Variants in KANSL1 observed in about 807,000 individuals in gnomAD.
The protein encoded by KANSL1 is KAT8 regulatory NSL complex subunit 1.
In KANSL1, 22 loss-of-function variants were observed where a neutral mutation model predicts 103.6. The observed-to-expected ratio is 0.21, with a 90% CI of 0.15 to 0.30. KANSL1 has a LOEUF of 0.30. Among genes scored for constraint, KANSL1 ranks in the 10% least tolerant of loss-of-function variants. The probability of loss-of-function intolerance (pLI) is 1.00; values close to 1 mark genes in which losing one functional copy is unlikely to be tolerated. For missense variants in KANSL1, 1,337 were observed against 1,399.8 expected (o/e 0.96, Z 0.72); for synonymous variants, 600 against 527.6 (o/e 1.14, Z -1.88).
intron 2 of KANSL1, among the ~76,000 whole-genome samples, chr17:46,112,881 C>T (rs761381108): frequency 7.2e-5 from 11 of 152,132 alleles, no homozygotes; most frequent in Admixed American, 2.0e-4. Flanking sequence ...GCCATCACGC[C>T]GGGCTAATTT....
At chr17:46,033,309 CCA>C in intron 12 of KANSL1, 92 bp downstream of exon 12, 2 of 1,462,712 alleles carry the variant, frequency 1.4e-6, no homozygotes, top group South Asian at 2.4e-5. Context: ...CACTTCACAC[CCA>C]CAAGTCTTCA....
chr17:46,188,011 G>A (rs2047111341), intron 1 of KANSL1, among the ~76,000 whole-genome samples: 1 of 152,118 alleles, frequency 6.6e-6, no homozygotes, highest in Admixed American at 6.6e-5. Flanking sequence ...AAGTATTTTG[G>A]TAAATCACAC....
intron 6 of KANSL1, among the ~76,000 whole-genome samples, chr17:46,056,449 C>G (rs1439124697): frequency 2.0e-5 from 3 of 147,344 alleles, no homozygotes; most frequent in African/African-American, 7.3e-5. Context: ...AGCTGTGTGG[C>G]CTTAAGACAA....
chr17:46,180,267 G>A (rs1005318542), intron 1 of KANSL1, among the ~76,000 whole-genome samples: 16 of 151,970 alleles, frequency 1.1e-4, no homozygotes, highest in African/African-American at 2.9e-4. Flanking sequence ...AGGCTGAGGC[G>A]GGTGGATCAC....
At chr17:46,108,091 T>C (rs1347653468) in intron 2 of KANSL1, among the ~76,000 whole-genome samples, 21 of 152,228 alleles carry the variant, frequency 1.4e-4, no homozygotes. Context: ...GCCAGCCTAA[T>C]ATTGTATAAA....
chr17:46,134,368 G>A (rs2044016035), intron 2 of KANSL1, among the ~76,000 whole-genome samples: 1 of 152,124 alleles, frequency 6.6e-6, no homozygotes, highest in African/African-American at 2.4e-5. Flanking sequence ...CTGCACTACA[G>A]CCTGGGCAAC....
intron 1 of KANSL1, among the ~76,000 whole-genome samples, chr17:46,209,849 C>G (rs910875139): frequency 6.6e-6 from 1 of 152,194 alleles, no homozygotes; most frequent in African/African-American, 2.4e-5. Flanking sequence ...CAGGACAGAA[C>G]ATATTAGCTG....
rs539557216 is a variant in KANSL1 at position 46,177,193 on chromosome 17, T to A, written c.-89-4961A>T. On this transcript the variant is annotated intron_variant, in intron 1 of 14. Transcript: ENST00000432791. Reference sequence around the variant, plus strand: ...CAGAGCCTTCCCGACAAGGATGCTATGATGATGAAATAAGATACTTTCAAT... The same window carrying A: ...CAGAGCCTTCCCGACAAGGATGCTAAGATGATGAAATAAGATACTTTCAAT... Among the ~76,000 whole-genome samples the A allele has an allele frequency of 3.0e-4, 45 of 152,348 alleles. 2 individuals carry two copies. In the South Asian group the frequency reaches 9.1e-3, roughly 31 times the overall value.
chr17:46,189,513 C>T (rs2047205485), intron 1 of KANSL1, among the ~76,000 whole-genome samples: 1 of 152,186 alleles, frequency 6.6e-6, no homozygotes, highest in Non-Finnish European at 1.5e-5. Context: ...ATACGCATTA[C>T]TCTTTAAACA....
intron 2 of KANSL1, among the ~76,000 whole-genome samples, chr17:46,162,340 G>A (rs1275771124): frequency 2.6e-5 from 4 of 152,204 alleles, no homozygotes; most frequent in Non-Finnish European, 4.4e-5. Flanking sequence ...AACAGAATGT[G>A]GACCCATGCT....
At chr17:46,148,365 T>C (rs2044852666) in intron 2 of KANSL1, 1 of 152,236 alleles carries the variant, frequency 6.6e-6, no homozygotes, top group South Asian at 2.1e-4. Flanking sequence ...AATTTTAATA[T>C]GTTCACATAT....
At chr17:46,192,188 C>T (rs1200705797) in intron 1 of KANSL1, among the ~76,000 whole-genome samples, 1 of 152,060 alleles carries the variant, frequency 6.6e-6, no homozygotes, top group Non-Finnish European at 1.5e-5. Context: ...CGCTGTTTAT[C>T]GTATGGAAAA....
At chr17:46,126,000 T>C (rs62063172) in intron 2 of KANSL1, among the ~76,000 whole-genome samples, 21,706 of 152,082 alleles carry the variant, frequency 0.14, 2,125 homozygotes, top group Non-Finnish European at 0.22. Context: ...GACTGAGCAA[T>C]CTGGACAAAG....
chr17:46,111,013 ACATGTCATATTCCT>A (rs2042779588), intron 2 of KANSL1, among the ~76,000 whole-genome samples: 1 of 152,200 alleles, frequency 6.6e-6, no homozygotes, highest in African/African-American at 2.4e-5. Context: ...AATAACAAGA[ACATGTCATATTCCT>A]GGTTGTGATA....
At chr17:46,210,666 C>CA (rs2048139992) in intron 1 of KANSL1, among the ~76,000 whole-genome samples, 1 of 151,642 alleles carries the variant, frequency 6.6e-6, no homozygotes, top group South Asian at 2.1e-4. Flanking sequence ...ATATATTGTA[C>CA]AAAAAATATA....
intron 2 of KANSL1, among the ~76,000 whole-genome samples, chr17:46,113,908 C>A (rs910905556): frequency 6.6e-6 from 1 of 152,160 alleles, no homozygotes; most frequent in Non-Finnish European, 1.5e-5. Context: ...GTGCCAAAAA[C>A]CTTAAAACCA....
chr17:46,092,702 G>GTT (rs1182576324), intron 3 of KANSL1, among the ~76,000 whole-genome samples: 457 of 33,374 alleles, frequency 0.014, 62 homozygotes, highest in African/African-American at 0.052. Context: ...CTGTTGGGTT[G>GTT]TTTTTTTTTT....
intron 6 of KANSL1, among the ~76,000 whole-genome samples, chr17:46,058,279 C>G (rs1294002367): frequency 6.6e-6 from 1 of 152,194 alleles, no homozygotes; most frequent in Admixed American, 6.5e-5. Context: ...GAAATGGTTT[C>G]CACAGCTAAC....
At chr17:46,050,267 G>A in intron 7 of KANSL1, 1 of 491,308 alleles carries the variant, frequency 2.0e-6, no homozygotes, top group Non-Finnish European at 3.6e-6. Context: ...CCAGATTACT[G>A]TGGCTAGAGG....
Sources: allele counts gnomAD v4.1 joint callset (sites outside exome capture counted in the v4.1 genomes callset), GRCh38; gene constraint gnomAD v4.1.1; transcripts MANE v1.5; gene names NCBI Gene and HGNC (gene_info 2026-07-23, HGNC 2026-07-21).